Variants in FNTB observed in about 807,000 individuals in gnomAD.
FNTB encodes protein farnesyltransferase subunit beta.
In FNTB, 27 loss-of-function variants were observed where a neutral mutation model predicts 59.4. The observed-to-expected ratio is 0.45, with a 90% CI of 0.34 to 0.63. FNTB has a LOEUF of 0.63. FNTB is among the 20% of genes least tolerant of loss of function. The probability of loss-of-function intolerance (pLI) is 0.02; values close to 1 mark genes in which losing one functional copy is unlikely to be tolerated. For missense variants in FNTB, 449 were observed against 559.6 expected, an observed-to-expected ratio of 0.80 and a Z score of 1.99; for synonymous variants, 230 against 220.7, an observed-to-expected ratio of 1.04 and a Z score of -0.37.
chr14:64,992,636 T>A (rs996655003), intron 1 of FNTB, among the ~76,000 whole-genome samples: 2 of 152,148 alleles, frequency 1.3e-5, no homozygotes, highest in East Asian at 1.9e-4. Flanking sequence ...ACTTTTTTTT[T>A]AAGAAAGGGT....
intron 1 of FNTB, among the ~76,000 whole-genome samples, chr14:64,987,939 A>G (rs1888016668): frequency 6.6e-6 from 1 of 152,220 alleles, no homozygotes; most frequent in Admixed American, 6.5e-5. Flanking sequence ...AGAAGTGGTT[A>G]GGATAATTCT....
chr14:65,013,580 C>G lies in FNTB; in HGVS notation c.282+1191C>G, dbSNP rs551471617. Among the ~76,000 whole-genome samples the G allele has an allele frequency of 7.4e-4, 112 of 152,276 alleles. 3 individuals carry two copies. The South Asian group carries it at 0.023, about 31-fold the overall frequency. On this transcript the variant is annotated intron_variant, in intron 3 of 11. Coordinates refer to ENST00000246166, the MANE Select transcript of FNTB (RefSeq NM_002028.4). ...TCTCATAATTTATGAGATGGAGTCT[C>G]GCTGTATTTCCCAGGCTGGAGTGCA...
intron 7 of FNTB, among the ~76,000 whole-genome samples, chr14:65,037,853 C>T (rs1442032193): frequency 1.3e-5 from 2 of 150,646 alleles, no homozygotes; most frequent in Non-Finnish European, 2.9e-5. Context: ...CAGACCAGCT[C>T]ACTGCAACCT....
rs751355136 is a variant in FNTB, at chr14:65,012,301, CTGTT to C, written c.210-12_210-9del. On this transcript the variant is annotated splice_polypyrimidine_tract_variant and intron_variant, in intron 2 of 11. Transcript: ENST00000246166. The surrounding 1 kb of genome is among the most constrained non-coding windows in gnomAD (Gnocchi z 5.0). The stretch of plus-strand genomic sequence containing the variant: ...TAAGCTATTAGAATGGGCTTATAAA[CTGTT>C]TGTCTTTCCAGGCTTGTTTTGCAGA... 35 of 1,613,920 alleles carry C rather than the reference CTGTT, an allele frequency of 2.2e-5. No homozygotes were observed. Among genetic ancestry groups the C allele is most frequent in the Admixed American group, 1.5e-4 (9 of 60,000 alleles).
chr14:65,049,141 A>G (rs1454633065), intron 9 of FNTB, among the ~76,000 whole-genome samples: 2 of 143,384 alleles, frequency 1.4e-5, no homozygotes, highest in East Asian at 4.1e-4. Flanking sequence ...AAAAAAAAAA[A>G]GGCTTAAGAA....
intron 11 of FNTB, among the ~76,000 whole-genome samples, chr14:65,055,446 G>T (rs918284841): frequency 2.6e-5 from 4 of 152,072 alleles, no homozygotes; most frequent in African/African-American, 7.2e-5. Flanking sequence ...CTACCATCTA[G>T]GTCACTGCCT....
intron 1 of FNTB, among the ~76,000 whole-genome samples, chr14:64,999,652 T>TA (rs562126108): frequency 1.3e-5 from 2 of 152,112 alleles, no homozygotes; most frequent in South Asian, 4.2e-4. Flanking sequence ...ATAAAGCTGT[T>TA]AAAAAAATAC....
chr14:64,987,102 G>A lies in FNTB; in HGVS notation c.144+5G>A. Reference sequence around the variant, plus strand: ...ACAGTCACGTCCATAGAACAGGTGAGGTGGCAGGACTGGGCGAGGCGCCCG... The same window carrying A: ...ACAGTCACGTCCATAGAACAGGTGAAGTGGCAGGACTGGGCGAGGCGCCCG... On this transcript the variant is annotated splice_donor_5th_base_variant and intron_variant, in intron 1 of 11. Coordinates refer to ENST00000246166, the MANE Select transcript of FNTB (RefSeq NM_002028.4). The A allele has an allele frequency of 6.2e-7, 1 of 1,614,174 alleles. No homozygotes were observed. Among genetic ancestry groups the A allele is most frequent in the South Asian group, 1.1e-5 (1 of 91,084 alleles).
At chr14:65,053,024 A>G in intron 9 of FNTB, 1 of 337,616 alleles carries the variant, frequency 3.0e-6, no homozygotes, top group East Asian at 4.4e-5. Flanking sequence ...TGAAAGTGCC[A>G]CTTTGAATTG....
chr14:65,057,818 C>T lies in FNTB; in HGVS notation c.1182+3129C>T, dbSNP rs535931393. On this transcript the variant is annotated intron_variant, in intron 11 of 11. Transcript: ENST00000246166. ...CCATTTACTGAAGTCTACAACCTTT[C>T]CTGCTGATGTGTATCTCATGTGTAC... 1.9e-4 allele frequency among the ~76,000 whole-genome samples: 29 copies of T among 152,310 alleles called. No homozygotes were observed. The East Asian group carries it at 5.0e-3, about 26-fold the overall frequency.
At position 65,007,348 on chromosome 14, in the gene FNTB, G is replaced by A. The variant is rs116320686; in HGVS notation, c.209+3035G>A. Among the ~76,000 whole-genome samples the A allele has an allele frequency of 1.2e-3, 189 of 152,304 alleles. 1 individual carries two copies. The highest frequency in any genetic ancestry group is 6.8e-3 in the Middle Eastern group (2 of 294). On this transcript the variant is annotated intron_variant, in intron 2 of 11. Transcript: ENST00000246166. This position sits in a 1 kb window ranked among gnomAD's most constrained non-coding sequence, Gnocchi z 4.9. ...TGGTTAGCTGTTAGCAGTAAATCTA[G>A]ATGGCAGGGCTTGTTTGTGTGTCTG...
At chr14:65,010,227 G>GT (rs1242769171) in intron 2 of FNTB, among the ~76,000 whole-genome samples, 1 of 152,150 alleles carries the variant, frequency 6.6e-6, no homozygotes, top group African/African-American at 2.4e-5. Context: ...AAACTCTCCT[G>GT]TTTCTCTCCT....
chr14:65,021,210 A>G (rs1192521353), intron 4 of FNTB, among the ~76,000 whole-genome samples: 4 of 152,254 alleles, frequency 2.6e-5, no homozygotes, highest in African/African-American at 7.2e-5. Flanking sequence ...GAAACAGAGC[A>G]AAATAAAATT....
intron 7 of FNTB, among the ~76,000 whole-genome samples, chr14:65,034,696 T>C (rs2062151739): frequency 6.6e-6 from 1 of 152,250 alleles, no homozygotes; most frequent in Admixed American, 6.5e-5. Flanking sequence ...TTTTATTCTT[T>C]ATGAGTGCAT....
intron 7 of FNTB, among the ~76,000 whole-genome samples, chr14:65,033,761 G>A (rs1398630841): frequency 6.6e-6 from 1 of 152,172 alleles, no homozygotes; most frequent in Non-Finnish European, 1.5e-5. Context: ...GGAAGCTGAG[G>A]CAGGAGAATG....
In FNTB at chr14:65,030,084, C is replaced by G. The variant is rs112182271; in HGVS notation, c.605+2303C>G. 6.4e-3 allele frequency among the ~76,000 whole-genome samples: 972 copies of G among 152,312 alleles called. 17 individuals are homozygous for G. The highest frequency in any genetic ancestry group is 0.044 in the South Asian group (210 of 4,820). ...CATCTCAGCGTGAGACCTGGGACTC[C>G]TGTCTTCTGTCATCACTTCTTAGTC... On this transcript the variant is annotated intron_variant, in intron 6 of 11. Transcript: ENST00000246166. The surrounding 1 kb of genome is among the most constrained non-coding windows in gnomAD (Gnocchi z 4.5).
At chr14:65,010,959 A>G (rs904526240) in intron 2 of FNTB, among the ~76,000 whole-genome samples, 7 of 152,192 alleles carry the variant, frequency 4.6e-5, no homozygotes. Flanking sequence ...AGGGCCACTC[A>G]TCGCACATTC....
Position 65,031,821 on chromosome 14 carries a change from T to C in FNTB, c.606-789T>C, listed in dbSNP as rs2139588901. On this transcript the variant is annotated intron_variant, in intron 6 of 11. Coordinates refer to ENST00000246166, the MANE Select transcript of FNTB (RefSeq NM_002028.4). The surrounding 1 kb of genome is among the most constrained non-coding windows in gnomAD (Gnocchi z 4.6). ...CTGTAATCCCAGCTACTTGGGAGGC[T>C]GATACAGGAGAATTGCTTGAACCCA... Among the ~76,000 whole-genome samples, 1 of 152,196 alleles carries C rather than the reference T, an allele frequency of 6.6e-6. No homozygotes were observed. Among genetic ancestry groups the C allele is most frequent in the East Asian group, 2.0e-4 (1 of 5,110 alleles).
Position 65,012,416 on chromosome 14 carries a change from C to G in FNTB, c.282+27C>G. ...TAAACACATTACCCAGGAACTCTTGCTGTCAAATTATCCACCAAATCCTCC... is the reference window on the plus strand; with the variant it reads ...TAAACACATTACCCAGGAACTCTTGGTGTCAAATTATCCACCAAATCCTCC... On this transcript the variant is annotated intron_variant, in intron 3 of 11. Transcript: ENST00000246166. This position sits in a 1 kb window ranked among gnomAD's most constrained non-coding sequence, Gnocchi z 5.0. 1 of 1,613,584 alleles carries G rather than the reference C, an allele frequency of 6.2e-7. No homozygotes were observed. The highest frequency in any genetic ancestry group is 1.1e-5 in the South Asian group (1 of 91,048).
Sources: gnomAD v4.1 joint callset for allele counts (sites outside exome capture counted in the v4.1 genomes callset) on GRCh38, gnomAD v4.1.1 for gene constraint, Gnocchi (gnomAD v3.1) non-coding constraint, MANE v1.5 for transcripts, NCBI Gene and HGNC (gene_info 2026-07-23, HGNC 2026-07-21) for gene names.